Variants in MEMO1 observed in about 807,000 individuals in gnomAD.
MEMO1 encodes mediator of cell motility 1, also known as protein MEMO1.
In MEMO1, 6 loss-of-function variants were observed where a neutral mutation model predicts 45.2. That is an observed-to-expected ratio of 0.13 (90% CI 0.07 to 0.26). The LOEUF is 0.26. Ranked by LOEUF, MEMO1 falls within the 10% of genes least tolerant of loss-of-function variation. The pLI, the probability that MEMO1 is intolerant of heterozygous loss-of-function variation, is 1.00. For synonymous variants in MEMO1, 78 were observed against 124.3 expected (o/e 0.63, Z 2.48); for missense variants, 184 against 370.5 (o/e 0.50, Z 4.13).
intron 2 of MEMO1, among the ~76,000 whole-genome samples, chr2:32,003,877 C>A (rs1673714066): frequency 2.0e-5 from 3 of 152,172 alleles, no homozygotes; most frequent in Admixed American, 2.0e-4. Flanking sequence ...CAAAGTGAGA[C>A]ACCATCTCTA....
At chr2:31,979,027 T>C (rs370195960) in intron 2 of MEMO1, among the ~76,000 whole-genome samples, 3 of 152,094 alleles carry the variant, frequency 2.0e-5, no homozygotes, top group East Asian at 3.9e-4. Context: ...GACTGGGTAA[T>C]TTATAAAGAA....
chr2:31,942,602 C>G (rs934423680), intron 3 of MEMO1, among the ~76,000 whole-genome samples: 1 of 151,794 alleles, frequency 6.6e-6, no homozygotes, highest in Non-Finnish European at 1.5e-5. Flanking sequence ...ACCTCCCAAG[C>G]TTAAGCGACC....
In MEMO1 at chr2:31,933,767, A is replaced by G. The variant is rs190394872; in HGVS notation, c.144-1632T>C. On this transcript the variant is annotated intron_variant, in intron 3 of 9. Transcript: ENST00000404530. The stretch of plus-strand genomic sequence containing the variant: ...TTAATCGTAGTCACTCTAGCCCTAT[A>G]CCTCTGGTAAAGGAGCCTATCAAGT... Among the ~76,000 whole-genome samples the G allele has an allele frequency of 8.9e-4, 136 of 152,116 alleles. 1 individual carries two copies. In the South Asian group the frequency reaches 0.011, roughly 13 times the overall value.
intron 2 of MEMO1, among the ~76,000 whole-genome samples, chr2:31,981,089 A>G (rs1327326168): frequency 6.6e-6 from 1 of 152,230 alleles, no homozygotes; most frequent in Non-Finnish European, 1.5e-5. Context: ...AAAATAGTAG[A>G]GAAGAAGTGT....
intron 2 of MEMO1, among the ~76,000 whole-genome samples, chr2:31,948,669 C>T (rs925794906): frequency 6.6e-6 from 1 of 152,142 alleles, no homozygotes; most frequent in Admixed American, 6.6e-5. Context: ...GAGGCCAAAG[C>T]GGGTAGATCA....
At chr2:32,009,370 C>G (rs370390954) in intron 2 of MEMO1, among the ~76,000 whole-genome samples, 1 of 152,092 alleles carries the variant, frequency 6.6e-6, no homozygotes, top group East Asian at 1.9e-4. Flanking sequence ...GGAGCCCCCC[C>G]ACCCCCAAGC....
chr2:32,007,999 T>C, intron 2 of MEMO1, among the ~76,000 whole-genome samples: 1 of 152,212 alleles, frequency 6.6e-6, no homozygotes, highest in Non-Finnish European at 1.5e-5. Context: ...TCTGTGACAA[T>C]GCACATTACC....
rs199867941 is a variant in MEMO1 at position 31,918,033 on chromosome 2, G to A, written c.330C>T (p.Tyr110=). The change falls in exon 6 of 10, where the codon TAC becomes TAT. Residue 110 remains tyrosine, a synonymous_variant. Coordinates refer to ENST00000404530, the MANE Select transcript of MEMO1 (RefSeq NM_001301833.4). ...ACATTCCTGTCTTCCACAGTTCTCCGTAAACTAAAGAGATTTCAAAATACA... is the reference window on the plus strand; with the variant it reads ...ACATTCCTGTCTTCCACAGTTCTCCATAAACTAAAGAGATTTCAAAATACA... ...LYDLRIDQKI[Y]GELWKTGMFE... 177 of 1,602,484 alleles carry A rather than the reference G, an allele frequency of 1.1e-4. 1 individual carries two copies. The East Asian group carries it at 3.5e-3, about 31-fold the overall frequency.
At chr2:31,973,147 T>C (rs1441891706) in intron 2 of MEMO1, among the ~76,000 whole-genome samples, 2 of 152,088 alleles carry the variant, frequency 1.3e-5, no homozygotes, top group Non-Finnish European at 2.9e-5. Context: ...CACTCTTAGG[T>C]ATATATCTAA....
At chr2:31,876,620 T>C (rs577285884) in intron 8 of MEMO1, among the ~76,000 whole-genome samples, 5 of 152,290 alleles carry the variant, frequency 3.3e-5, no homozygotes, top group African/African-American at 1.2e-4. Context: ...TTGACATCTC[T>C]ACTTAGATGT....
chr2:31,905,303 G>A (rs529868431), intron 6 of MEMO1, among the ~76,000 whole-genome samples: 1 of 152,136 alleles, frequency 6.6e-6, no homozygotes, highest in East Asian at 1.9e-4. Context: ...TAGAGGATAG[G>A]GGAAGAAGAA....
chr2:31,871,399 A>C (rs1673704388), intron 8 of MEMO1, among the ~76,000 whole-genome samples: 1 of 152,216 alleles, frequency 6.6e-6, no homozygotes, highest in African/African-American at 2.4e-5. Context: ...AGTGGGTAAC[A>C]TAGAAATTTT....
intron 2 of MEMO1, among the ~76,000 whole-genome samples, chr2:31,962,221 C>T (rs1338658349): frequency 2.0e-5 from 3 of 152,104 alleles, no homozygotes; most frequent in African/African-American, 7.2e-5. Context: ...AACCCCATCT[C>T]TACTAAAAAC....
rs1667239262 is a variant in MEMO1, at chr2:31,954,936, C to T, written c.62-11553G>A. Among the ~76,000 whole-genome samples the T allele has an allele frequency of 2.0e-5, 3 of 151,670 alleles. No individual in the cohort carries two copies. The South Asian group carries it at 6.2e-4, about 32-fold the overall frequency. On this transcript the variant is annotated intron_variant, in intron 2 of 9. Coordinates refer to ENST00000404530, the MANE Select transcript of MEMO1 (RefSeq NM_001301833.4). The stretch of plus-strand genomic sequence containing the variant: ...AATTTTTAACAACCTCTGCAGGAAA[C>T]TCCATTGCACGTTAAAATGTGAGAC...
chr2:31,981,861 A>G (rs1202218276), intron 2 of MEMO1, among the ~76,000 whole-genome samples: 1 of 152,216 alleles, frequency 6.6e-6, no homozygotes, highest in African/African-American at 2.4e-5. Context: ...ACTTTTATGC[A>G]TTTGTCAGAC....
intron 2 of MEMO1, among the ~76,000 whole-genome samples, chr2:31,957,343 G>A (rs1202789515): frequency 6.6e-6 from 1 of 152,148 alleles, no homozygotes; most frequent in East Asian, 1.9e-4. Flanking sequence ...AAACAATGAT[G>A]CTGTGGGATA....
At chr2:31,972,603 C>A (rs1436551700) in intron 2 of MEMO1, among the ~76,000 whole-genome samples, 2 of 152,010 alleles carry the variant, frequency 1.3e-5, no homozygotes, top group African/African-American at 4.8e-5. Context: ...CCCAGCTACT[C>A]AGGAGGCTGA....
chr2:31,974,154 G>A (rs1669731660), intron 2 of MEMO1, among the ~76,000 whole-genome samples: 1 of 143,590 alleles, frequency 7.0e-6, no homozygotes, highest in Non-Finnish European at 1.5e-5. Flanking sequence ...CACAAAACAT[G>A]CTAACTTCCT....
intron 2 of MEMO1, among the ~76,000 whole-genome samples, chr2:31,951,578 G>A (rs2148362346): frequency 6.6e-6 from 1 of 151,340 alleles, no homozygotes; most frequent in Non-Finnish European, 1.5e-5. Flanking sequence ...TGTCACCCAG[G>A]CTGAAGTGCA....
Sources: gnomAD v4.1 joint callset for allele counts (sites outside exome capture counted in the v4.1 genomes callset) on GRCh38, gnomAD v4.1.1 for gene constraint, MANE v1.5 for transcripts, NCBI Gene and HGNC (gene_info 2026-07-23, HGNC 2026-07-21) for gene names.